Variants in OVOL2 observed in about 807,000 individuals in gnomAD.
OVOL2 encodes the protein ovo like zinc finger 2, also known as transcription factor Ovo-like 2.
Under a neutral mutation model 18.1 loss-of-function variants are expected in OVOL2, and 13 were observed. The observed-to-expected ratio is 0.72, with a 90% CI of 0.47 to 1.14. The LOEUF is 1.14. OVOL2 is among the 50% of genes most tolerant of loss of function. OVOL2 has a pLI of 0.00. For missense variants in OVOL2, 335 were observed against 383.0 expected (o/e 0.87, Z 1.05); for synonymous variants, 166 against 162.7 (o/e 1.02, Z -0.16).
chr20:18,042,590 A>G, intron 2 of OVOL2, among the ~76,000 whole-genome samples: 1 of 151,892 alleles, frequency 6.6e-6, no homozygotes, highest in East Asian at 2.0e-4. Flanking sequence ...CAGCCTGACC[A>G]ACGTGGAGAA....
At chr20:18,037,465 A>G (rs2036626374) in intron 3 of OVOL2, among the ~76,000 whole-genome samples, 2 of 152,246 alleles carry the variant, frequency 1.3e-5, no homozygotes, top group African/African-American at 2.4e-5. Flanking sequence ...TTCTGCCTGC[A>G]GGGCTGTGTT....
At chr20:18,027,753 G>A (rs6045143) in intron 3 of OVOL2, among the ~76,000 whole-genome samples, 20,407 of 150,922 alleles carry the variant, frequency 0.14, 1,537 homozygotes, top group East Asian at 0.32. Flanking sequence ...TCACCACCAC[G>A]CCCAGCTAAT....
rs1243870540 is a variant in OVOL2 at position 18,056,933 on chromosome 20, C to A, written c.101-56G>T. 5.6e-6 allele frequency: 8 copies of A among 1,421,934 alleles called. No homozygotes were observed. Among genetic ancestry groups the A allele is most frequent in the South Asian group, 3.0e-5 (2 of 67,714 alleles). The allele number at this position is 1,421,934 out of a possible 1,614,324, so 88.1% of individuals were successfully genotyped here. A position where few individuals can be genotyped will look rare whatever the true frequency, so the allele number is the denominator to read the frequency against. ...CACACTCGGCGTCAACCCGCACGCC[C>A]GCGGCAGTTTGACCTGCGGGCGGTG... On this transcript the variant is annotated intron_variant, in intron 1 of 3. Coordinates refer to ENST00000278780, the MANE Select transcript of OVOL2 (RefSeq NM_021220.4). The surrounding 1 kb of genome is among the most constrained non-coding windows in gnomAD (Gnocchi z 4.2).
rs140124346 is a variant in OVOL2, at chr20:18,026,402, G to A, written c.512-1450C>T. Reference sequence around the variant, plus strand: ...AATCCATTTTTTTTTTTTTTTTTGAGACGGAGTCTGGCTCTGTCACCCAGG... The same window carrying A: ...AATCCATTTTTTTTTTTTTTTTTGAAACGGAGTCTGGCTCTGTCACCCAGG... On this transcript the variant is annotated intron_variant, in intron 3 of 3. Transcript: ENST00000278780. 1.4e-3 allele frequency among the ~76,000 whole-genome samples: 178 copies of A among 131,658 alleles called. 2 individuals carry two copies. The highest frequency in any genetic ancestry group is 4.5e-3 in the African/African-American group (157 of 34,606). 86.4% of individuals were successfully genotyped at this position (131,658 alleles called of 152,430 possible).
At chr20:18,030,060 C>T (rs1429192194) in intron 3 of OVOL2, among the ~76,000 whole-genome samples, 1 of 152,194 alleles carries the variant, frequency 6.6e-6, no homozygotes, top group South Asian at 2.1e-4. Flanking sequence ...ATCAAAATAT[C>T]GAATGAATGG....
chr20:18,040,082 G>A (rs1319144216), intron 3 of OVOL2, among the ~76,000 whole-genome samples: 3 of 152,154 alleles, frequency 2.0e-5, no homozygotes, highest in East Asian at 3.9e-4. Context: ...GCACCACCAC[G>A]CCTGGCTAAT....
intron 2 of OVOL2, among the ~76,000 whole-genome samples, chr20:18,055,740 C>A (rs1007297552): frequency 6.6e-6 from 1 of 152,210 alleles, no homozygotes; most frequent in Non-Finnish European, 1.5e-5. Context: ...CACCGGAGAG[C>A]CCTGGAATTA....
chr20:18,041,658 A>G lies in OVOL2; in HGVS notation c.387T>C (p.Arg129=). The G allele has an allele frequency of 1.2e-6, 2 of 1,613,966 alleles. No homozygotes were observed. The highest frequency in any genetic ancestry group is 1.7e-6 in the Non-Finnish European group (2 of 1,179,998). The change falls in exon 3 of 4, where the codon CGT becomes CGC. Residue 129 remains arginine, a synonymous_variant. Transcript: ENST00000278780. The part of the protein sequence containing the change: ...HSCDLCGKGF[R]LQRMLNRHLK... Reference sequence around the variant, plus strand: ...GGTGACGGTTCAGCATGCGCTGCAGACGGAAGCCCTTGCCACACAGGTCAC... The same window carrying G: ...GGTGACGGTTCAGCATGCGCTGCAGGCGGAAGCCCTTGCCACACAGGTCAC...
In OVOL2 at chr20:18,040,582, A is replaced by T. The variant is rs527806894; in HGVS notation, c.511+952T>A. On this transcript the variant is annotated intron_variant, in intron 3 of 3. Transcript: ENST00000278780. ...ACTCTGGCAGAGGTGTGGACAATGG[A>T]GCTCAGGCGGGAAAGCATGGAGGCC... Among the ~76,000 whole-genome samples the T allele has an allele frequency of 2.6e-5, 4 of 152,184 alleles. No homozygotes were observed. In the East Asian group the frequency reaches 7.7e-4, roughly 29 times the overall value.
At chr20:18,047,683 G>A (rs141679325) in intron 2 of OVOL2, among the ~76,000 whole-genome samples, 25,691 of 145,984 alleles carry the variant, frequency 0.18, 2,424 homozygotes, top group African/African-American at 0.26. Flanking sequence ...GTGAAACCCC[G>A]CCTCTATTAA....
chr20:18,047,877 A>AAAAAG (rs397717909), intron 2 of OVOL2, among the ~76,000 whole-genome samples: 1 of 150,160 alleles, frequency 6.7e-6, no homozygotes, highest in African/African-American at 2.4e-5. Flanking sequence ...AAAAAAAAAA[A>AAAAAG]GAAAGAAATG....
chr20:18,056,706 T>C lies in OVOL2; in HGVS notation c.272A>G (p.Asp91Gly). Residue 91 changes from aspartate to glycine, a missense_variant, in exon 2 of 4, where the codon GAT (aspartate) becomes GGT (glycine). Physicochemically the swap from Asp to Gly is moderately conservative, Grantham distance 94 (BLOSUM62 -1). Coordinates refer to ENST00000278780, the MANE Select transcript of OVOL2 (RefSeq NM_021220.4). This position sits in a 1 kb window ranked among gnomAD's most constrained non-coding sequence, Gnocchi z 4.2. ...GCGCTGCTTGGTCGCCAGGTGTCCA[T>C]CGGGGCCCTCGGCGTCGCCGGGCTC... ...TPEPGDAEGP[D>G]GHLATKQRPV... 6.9e-7 allele frequency: 1 copy of C among 1,457,310 alleles called. No individual in the cohort carries two copies. Among genetic ancestry groups the C allele is most frequent in the Non-Finnish European group, 9.0e-7 (1 of 1,110,488 alleles). The allele number at this position is 1,457,310 out of a possible 1,614,324, so 90.3% of individuals were successfully genotyped here. A position where few individuals can be genotyped will look rare whatever the true frequency, so the allele number is the denominator to read the frequency against.
At chr20:18,044,467 A>G (rs374193721) in intron 2 of OVOL2, among the ~76,000 whole-genome samples, 2 of 152,142 alleles carry the variant, frequency 1.3e-5, no homozygotes, top group South Asian at 2.1e-4. Context: ...GGATGCAGAG[A>G]GTCTCAAGGG....
At chr20:18,041,751 C>A in intron 2 of OVOL2, 28 bp from the exon 3 acceptor site, 1 of 1,593,400 alleles carries the variant, frequency 6.3e-7, no homozygotes, top group Non-Finnish European at 8.6e-7. Context: ...CCATGAGGGT[C>A]CCCGGGCAGG....
chr20:18,032,610 G>A (rs982292714), intron 3 of OVOL2, among the ~76,000 whole-genome samples: 14 of 152,010 alleles, frequency 9.2e-5, no homozygotes, highest in African/African-American at 2.2e-4. Context: ...GAGTTCAAGC[G>A]ATTCTCCTAC....
chr20:18,040,679 C>T (rs1463054452), intron 3 of OVOL2, among the ~76,000 whole-genome samples: 1 of 152,194 alleles, frequency 6.6e-6, no homozygotes, highest in African/African-American at 2.4e-5. Flanking sequence ...CTGTGAAGAA[C>T]TGGAACTGGG....
chr20:18,048,700 C>T (rs1887851), intron 2 of OVOL2, among the ~76,000 whole-genome samples: 30,083 of 152,070 alleles, frequency 0.2, 3,246 homozygotes, highest in Non-Finnish European at 0.25. Flanking sequence ...GAGAGAGACC[C>T]TGTCTCAAAA....
rs1277173984 is a variant in OVOL2 at position 18,056,546 on chromosome 20, G to C, written c.321+111C>G. 8.9e-7 allele frequency: 1 copy of C among 1,127,754 alleles called. No homozygotes were observed. Among genetic ancestry groups the C allele is most frequent in the Non-Finnish European group, 1.1e-6 (1 of 922,106 alleles). 69.9% of individuals were successfully genotyped at this position (1,127,754 alleles called of 1,614,324 possible). A position where few individuals can be genotyped will look rare whatever the true frequency, so the allele number is the denominator to read the frequency against. ...GGAGCGGCGCGGCGGGCGCGCTCGG[G>C]GCGCGGGTGCCGGGTTGCGCAGGCG... On this transcript the variant is annotated intron_variant, in intron 2 of 3. Transcript: ENST00000278780. This position sits in a 1 kb window ranked among gnomAD's most constrained non-coding sequence, Gnocchi z 4.2.
chr20:18,030,446 C>G (rs2036558151), intron 3 of OVOL2, among the ~76,000 whole-genome samples: 1 of 152,212 alleles, frequency 6.6e-6, no homozygotes, highest in Non-Finnish European at 1.5e-5. Context: ...CAACAAACTC[C>G]TGGAGGTTCC....
Sources: allele counts gnomAD v4.1 joint callset (sites outside exome capture counted in the v4.1 genomes callset), GRCh38; gene constraint gnomAD v4.1.1; non-coding constraint Gnocchi (gnomAD v3.1); transcripts MANE v1.5; gene names NCBI Gene and HGNC (gene_info 2026-07-23, HGNC 2026-07-21).